ITGA11: variants seen among roughly 807,000 people sequenced by gnomAD.
ITGA11 encodes the protein integrin alpha-11.
In ITGA11, 97 loss-of-function variants were observed where a neutral mutation model predicts 141.9. The ratio of observed to expected loss-of-function variants is 0.68; its 90% CI spans 0.58 to 0.81. ITGA11 has a LOEUF of 0.81. Among genes scored for constraint, ITGA11 ranks in the 30% least tolerant of loss-of-function variants. The pLI, the probability that ITGA11 is intolerant of heterozygous loss-of-function variation, is 0.00. For synonymous variants in ITGA11, 658 were observed against 624.6 expected (o/e 1.05, Z -0.80); for missense variants, 1,387 against 1,559.2 (o/e 0.89, Z 1.86).
In ITGA11 at chr15:68,307,355, C is replaced by T; in HGVS notation, c.3374G>A (p.Ser1125Asn). 6.4e-7 allele frequency: 1 copy of T among 1,555,228 alleles called. No individual in the cohort carries two copies. Among genetic ancestry groups the T allele is most frequent in the Non-Finnish European group, 8.7e-7 (1 of 1,148,644 alleles). ...SPFIFREEDP[S>N]RQIVFEISKQ... ...GGGCTCCCAGGGGCTCACCTGGCGG[C>T]TGGGATCCTCCTCACGGAAGATGAA... is the stretch of plus-strand genomic sequence containing the variant. Residue 1125 changes from serine to asparagine, a missense_variant, in exon 28 of 30, where the codon AGC (serine) becomes AAC (asparagine). Transcript: ENST00000315757. This position sits in a 1 kb window ranked among gnomAD's most constrained non-coding sequence, Gnocchi z 6.1.
Position 68,307,300 on chromosome 15 carries a change from C to G in ITGA11, c.3381+48G>C, listed in dbSNP as rs554898530. ...TAGAGGAGCACGGCCAACCCTTTCC[C>G]AAGCTGTCCGGCCTAAGCCCAGTTC... On this transcript the variant is annotated intron_variant, in intron 28 of 29. Coordinates refer to ENST00000315757, the MANE Select transcript of ITGA11 (RefSeq NM_001004439.2). This position sits in a 1 kb window ranked among gnomAD's most constrained non-coding sequence, Gnocchi z 6.1. The G allele has an allele frequency of 4.5e-5, 62 of 1,377,992 alleles. No individual in the cohort carries two copies. The highest frequency in any genetic ancestry group is 5.9e-5 in the Non-Finnish European group (59 of 991,974). The allele number at this position is 1,377,992 out of a possible 1,614,324, so 85.4% of individuals were successfully genotyped here. A position where few individuals can be genotyped will look rare whatever the true frequency, so the allele number is the denominator to read the frequency against.
At chr15:68,389,860 T>C (rs925035139) in intron 2 of ITGA11, among the ~76,000 whole-genome samples, 1 of 152,112 alleles carries the variant, frequency 6.6e-6, no homozygotes, top group Non-Finnish European at 1.5e-5. Flanking sequence ...CCAGCTCTGT[T>C]TTTTCTCAGC....
intron 12 of ITGA11, among the ~76,000 whole-genome samples, chr15:68,334,802 C>T (rs1894292565): frequency 1.3e-5 from 2 of 152,324 alleles, no homozygotes; most frequent in South Asian, 4.1e-4. Flanking sequence ...AATTCATCAG[C>T]AAATTCCCTC....
chr15:68,369,514 C>A (rs1475159866), intron 2 of ITGA11, among the ~76,000 whole-genome samples: 2 of 152,196 alleles, frequency 1.3e-5, no homozygotes, highest in Admixed American at 6.5e-5. Context: ...TAGGCCCTTG[C>A]CTAGGTACAG....
rs542014656 is a variant in ITGA11 at position 68,312,282 on chromosome 15, G to T, written c.2973+491C>A. On this transcript the variant is annotated intron_variant, in intron 24 of 29. Transcript: ENST00000315757. ...GGAAGAGTAAGGAACTGCCAGGGAG[G>T]TCCCTTAATAAGGAGGGAGCATGCT... Among the ~76,000 whole-genome samples the T allele has an allele frequency of 5.9e-5, 9 of 152,260 alleles. No homozygotes were observed. The East Asian group carries it at 1.7e-3, about 29-fold the overall frequency.
intron 2 of ITGA11, among the ~76,000 whole-genome samples, chr15:68,393,994 A>G (rs11072018): frequency 0.3 from 45,498 of 152,058 alleles, 6,988 homozygotes; most frequent in Middle Eastern, 0.32. Flanking sequence ...CTAATTGCAA[A>G]TAGATTGTAA....
rs774922285 is a variant in ITGA11 at position 68,298,432 on chromosome 15, G to A, written c.*4627C>T. ...TACAAAAATAAGAGAGACCAGTGTG[G>A]GCAACAAAGTGAGACCCCCTCTCTG... On this transcript the variant is annotated 3_prime_UTR_variant, in exon 30 of 30. Transcript: ENST00000315757. 6.6e-6 allele frequency: 1 copy of A among 151,986 alleles called. No individual in the cohort carries two copies. The highest frequency in any genetic ancestry group is 1.5e-5 in the Non-Finnish European group (1 of 68,006). The allele number at this position is 151,986 out of a possible 1,614,324, so 9.4% of individuals were successfully genotyped here. A position where few individuals can be genotyped will look rare whatever the true frequency, so the allele number is the denominator to read the frequency against.
intron 2 of ITGA11, among the ~76,000 whole-genome samples, chr15:68,381,661 T>C (rs534261405): frequency 6.6e-6 from 1 of 152,230 alleles, no homozygotes; most frequent in Non-Finnish European, 1.5e-5. Flanking sequence ...GCTCAAGCGA[T>C]TCTCCTGCCT....
intron 7 of ITGA11, 45 bp downstream of exon 7, chr15:68,357,106 C>G: frequency 1.3e-6 from 2 of 1,576,296 alleles, no homozygotes; most frequent in Non-Finnish European, 1.7e-6. Context: ...ACTACAATAG[C>G]ATCTGAGATC....
chr15:68,403,171 G>A (rs1197505970), intron 1 of ITGA11, 142 bp from the exon 2 acceptor site: 7 of 642,182 alleles, frequency 1.1e-5, no homozygotes, highest in Non-Finnish European at 2.0e-5. Flanking sequence ...CCATCTTGGG[G>A]AGTCCCTGTA....
chr15:68,419,131 G>C (rs8024010), intron 1 of ITGA11, among the ~76,000 whole-genome samples: 2 of 151,942 alleles, frequency 1.3e-5, no homozygotes, highest in Admixed American at 6.5e-5. Context: ...GAATTTAACA[G>C]AGATCCACCA....
At chr15:68,334,679 G>A (rs1188081657) in intron 12 of ITGA11, among the ~76,000 whole-genome samples, 1 of 152,108 alleles carries the variant, frequency 6.6e-6, no homozygotes, top group Non-Finnish European at 1.5e-5. Flanking sequence ...CTAAATATGT[G>A]GCCTCAGCTA....
chr15:68,393,760 A>G (rs1205238621), intron 2 of ITGA11, among the ~76,000 whole-genome samples: 2 of 152,184 alleles, frequency 1.3e-5, no homozygotes, highest in African/African-American at 4.8e-5. Context: ...CTCAAATGAG[A>G]GCACAGAATT....
intron 1 of ITGA11, among the ~76,000 whole-genome samples, chr15:68,406,360 C>T (rs1170139760): frequency 6.6e-6 from 1 of 152,142 alleles, no homozygotes; most frequent in African/African-American, 2.4e-5. Flanking sequence ...TCTCCTCCTC[C>T]TCTCCTCCAG....
rs1893825241 is a variant in ITGA11 at position 68,321,875 on chromosome 15, G to A, written c.2323-372C>T. On this transcript the variant is annotated intron_variant, in intron 18 of 29. Coordinates refer to ENST00000315757, the MANE Select transcript of ITGA11 (RefSeq NM_001004439.2). This position sits in a 1 kb window ranked among gnomAD's most constrained non-coding sequence, Gnocchi z 4.9. ...GCTTCTGCCCTCAGCTCAAGGGGAA[G>A]ATTGGTGTATGAACAAATCACTAGT... Among the ~76,000 whole-genome samples, 1 of 152,248 alleles carries A rather than the reference G, an allele frequency of 6.6e-6. No individual in the cohort carries two copies. The highest frequency in any genetic ancestry group is 2.1e-4 in the South Asian group (1 of 4,836).
intron 10 of ITGA11, 66 bp from the exon 11 acceptor site, chr15:68,339,710 A>G: frequency 6.3e-7 from 1 of 1,592,918 alleles, no homozygotes; most frequent in Admixed American, 1.7e-5. Context: ...GAGCCACATC[A>G]GGTCCTATGA....
intron 10 of ITGA11, among the ~76,000 whole-genome samples, chr15:68,345,279 CTGA>C (rs1894708656): frequency 1.3e-5 from 2 of 152,150 alleles, no homozygotes; most frequent in African/African-American, 4.8e-5. Flanking sequence ...GCTAGCCTTC[CTGA>C]TGATAATTTT....
chr15:68,382,948 A>T (rs1364765885), intron 2 of ITGA11, among the ~76,000 whole-genome samples: 1 of 152,222 alleles, frequency 6.6e-6, no homozygotes, highest in Non-Finnish European at 1.5e-5. Flanking sequence ...GAAGGCACTG[A>T]AAAAGAAAAG....
intron 10 of ITGA11, among the ~76,000 whole-genome samples, chr15:68,342,394 T>C (rs1204801001): frequency 6.6e-6 from 1 of 152,236 alleles, no homozygotes; most frequent in African/African-American, 2.4e-5. Flanking sequence ...CTGATTTTCC[T>C]GGCGTTCTGT....
Sources: allele counts gnomAD v4.1 joint callset (sites outside exome capture counted in the v4.1 genomes callset), GRCh38; gene constraint gnomAD v4.1.1; non-coding constraint Gnocchi (gnomAD v3.1); transcripts MANE v1.5; gene names NCBI Gene and HGNC (gene_info 2026-07-23, HGNC 2026-07-21).